Variants in DTD2 observed in about 807,000 individuals in gnomAD.
DTD2 encodes the protein D-tyrosyl-tRNA deacylase 2 (putative).
A neutral mutation model predicts 15.5 loss-of-function variants in DTD2; 12 were observed. That is an observed-to-expected ratio of 0.77 (90% CI 0.50 to 1.25). The LOEUF (loss-of-function observed/expected upper bound fraction) is 1.25, where lower values mean the gene tolerates loss of function less well. DTD2 is among the 50% of genes most tolerant of loss of function. The probability of loss-of-function intolerance (pLI) is 0.00; values close to 1 mark genes in which losing one functional copy is unlikely to be tolerated. For synonymous variants in DTD2, 59 were observed against 77.3 expected (o/e 0.76, Z 1.24); for missense variants, 170 against 201.1 (o/e 0.85, Z 0.93).
rs1002349467 is a variant in DTD2 at position 31,447,389 on chromosome 14, G to A, written c.*740C>T. 1 of 152,166 alleles carries A rather than the reference G, an allele frequency of 6.6e-6. No homozygotes were observed. Among genetic ancestry groups the A allele is most frequent in the Non-Finnish European group, 1.5e-5 (1 of 68,032 alleles). 9.4% of individuals were successfully genotyped at this position (152,166 alleles called of 1,614,324 possible). ...ATTAACAAAGTTATAATTGGGTTGT[G>A]CTGAAGTTTACCTAATTTTAATACA... On this transcript the variant is annotated 3_prime_UTR_variant, in exon 3 of 3. Coordinates refer to ENST00000310850, the MANE Select transcript of DTD2 (RefSeq NM_080664.3).
At chr14:31,448,710 G>A (rs1227319146) in intron 2 of DTD2, among the ~76,000 whole-genome samples, 1 of 152,182 alleles carries the variant, frequency 6.6e-6, no homozygotes, top group Non-Finnish European at 1.5e-5. Context: ...CTAACAATAA[G>A]TTCATCCAGA....
rs757970633 is a variant in DTD2, at chr14:31,448,157, C to T, written c.479G>A (p.Gly160Glu). ...AAACTCAATTAAGTGTGTGAATGGT[C>T]CGTTGGTGTCCAGCTTTAACACCTG... ...NRQVLKLDTNGPFTHLIEF is the reference protein window; with the variant it reads ...NRQVLKLDTNEPFTHLIEF Residue 160 changes from glycine to glutamate, a missense_variant, in exon 3 of 3, where the codon GGA becomes GAA. Gly to Glu is a moderately conservative substitution (Grantham distance 98). Coordinates refer to ENST00000310850, the MANE Select transcript of DTD2 (RefSeq NM_080664.3). 11 of 1,613,062 alleles carry T rather than the reference C, an allele frequency of 6.8e-6. No individual in the cohort carries two copies. The highest frequency in any genetic ancestry group is 7.6e-6 in the Non-Finnish European group (9 of 1,179,554).
intron 2 of DTD2, among the ~76,000 whole-genome samples, chr14:31,449,643 G>T (rs1460772489): frequency 6.6e-6 from 1 of 152,088 alleles, no homozygotes; most frequent in Non-Finnish European, 1.5e-5. Flanking sequence ...ATAAGCAAAA[G>T]AAGTGTCTAA....
At position 31,453,299 on chromosome 14, in the gene DTD2, C is replaced by G; in HGVS notation, c.157G>C (p.Asp53His). The stretch of plus-strand genomic sequence containing the variant: ...CCCATTTTGGGAAGAAGTTCTTTAT[C>G]AGCTCCCTTGAAAAAGCACACGTAG... The part of the protein sequence containing the change: ...VIYVCFFKGA[D>H]KELLPKMVNT... The change falls in exon 2 of 3, where the codon GAT (aspartate) becomes CAT (histidine). Residue 53 changes from aspartate (D) to histidine (H), a missense_variant. Transcript: ENST00000310850. The G allele has an allele frequency of 2.5e-6, 4 of 1,614,006 alleles. No individual in the cohort carries two copies. Among genetic ancestry groups the G allele is most frequent in the Non-Finnish European group, 3.4e-6 (4 of 1,180,000 alleles).
At chr14:31,452,603 G>A (rs1225969292) in intron 2 of DTD2, 1 of 152,206 alleles carries the variant, frequency 6.6e-6, no homozygotes, top group Non-Finnish European at 1.5e-5. Context: ...GATGGGCAGG[G>A]ATTGGTTAAT....
intron 1 of DTD2, chr14:31,457,053 C>T (rs2032102909): frequency 5.3e-6 from 3 of 561,432 alleles, no homozygotes; most frequent in South Asian, 4.2e-5. Context: ...AGAAGGGAGA[C>T]ACGCTCTTCC....
chr14:31,453,409 G>A (rs748061112), intron 1 of DTD2, 65 bp from the exon 2 acceptor site: 44 of 1,383,158 alleles, frequency 3.2e-5, no homozygotes, highest in Non-Finnish European at 4.1e-5. Context: ...GGGCTAAATG[G>A]GTACAGTTTC....
chr14:31,452,332 G>A (rs61994186), intron 2 of DTD2: 4,394 of 152,286 alleles, frequency 0.029, 109 homozygotes, highest in Middle Eastern at 0.057. Flanking sequence ...AAGAAATGCA[G>A]CATCTGTTTC....
intron 2 of DTD2, among the ~76,000 whole-genome samples, chr14:31,449,154 A>C (rs2031999905): frequency 6.6e-6 from 1 of 152,230 alleles, no homozygotes; most frequent in African/African-American, 2.4e-5. Context: ...TGGCCTCCCA[A>C]AGCGTTGGGA....
Position 31,448,124 on chromosome 14 carries a change from CATTTTCAAAACTCA to C in DTD2, c.498_*4del, listed in dbSNP as rs1424929783. 4.4e-6 allele frequency: 7 copies of C among 1,579,802 alleles called. 1 individual carries two copies. The South Asian group carries it at 8.2e-5, about 18-fold the overall frequency. ...AAAACAGCTATAGAAACTAGTTTTT[CATTTTCAAAACTCA>C]ATTAAGTGTGTGAATGGTCCGTTGG... On this transcript the variant is annotated stop_retained_variant and 3_prime_UTR_variant, in exon 3 of 3. Coordinates refer to ENST00000310850, the MANE Select transcript of DTD2 (RefSeq NM_080664.3).
chr14:31,453,361 C>G lies in DTD2; in HGVS notation c.112-17G>C. 6.2e-7 allele frequency: 1 copy of G among 1,611,034 alleles called. No individual in the cohort carries two copies. Among genetic ancestry groups the G allele is most frequent in the Non-Finnish European group, 8.5e-7 (1 of 1,177,404 alleles). ...TCTTTGGACCTATGAGAAATCACCA[C>G]AGTAAACTCAGATTACAACAATATC... On this transcript the variant is annotated splice_polypyrimidine_tract_variant and intron_variant, in intron 1 of 2. Transcript: ENST00000310850.
rs77908938 is a variant in DTD2 at position 31,447,829 on chromosome 14, A to G, written c.*300T>C. 16,863 of 231,810 alleles carry G rather than the reference A, an allele frequency of 0.073. 820 individuals carry two copies. The highest frequency in any genetic ancestry group is 0.13 in the African/African-American group (5,900 of 44,022). 14.4% of individuals were successfully genotyped at this position (231,810 alleles called of 1,614,324 possible). A position where few individuals can be genotyped will look rare whatever the true frequency, so the allele number is the denominator to read the frequency against. On this transcript the variant is annotated 3_prime_UTR_variant, in exon 3 of 3. Coordinates refer to ENST00000310850, the MANE Select transcript of DTD2 (RefSeq NM_080664.3). ...AGCAAGACTCCATCTCAAAAAAAAAACAAAAACAAAAAAACAATTAAGAAC... is the reference window on the plus strand; with the variant it reads ...AGCAAGACTCCATCTCAAAAAAAAAGCAAAAACAAAAAAACAATTAAGAAC...
rs2031981062 is a variant in DTD2, at chr14:31,447,940, T to G, written c.*189A>C. On this transcript the variant is annotated 3_prime_UTR_variant, in exon 3 of 3. Transcript: ENST00000310850. Reference sequence around the variant, plus strand: ...AGAGGAATGTAGGACAAAAGGTGACTGAGATCCAGAGTTTAGGTGACTTGG... The same window carrying G: ...AGAGGAATGTAGGACAAAAGGTGACGGAGATCCAGAGTTTAGGTGACTTGG... 2 of 552,562 alleles carry G rather than the reference T, an allele frequency of 3.6e-6. No individual in the cohort carries two copies. Among genetic ancestry groups the G allele is most frequent in the Non-Finnish European group, 6.3e-6 (2 of 316,802 alleles). 34.2% of individuals were successfully genotyped at this position (552,562 alleles called of 1,614,324 possible). A position where few individuals can be genotyped will look rare whatever the true frequency, so the allele number is the denominator to read the frequency against.
chr14:31,453,227 C>T lies in DTD2; in HGVS notation c.181+48G>A, dbSNP rs201231344. ...GTGTTGGGATTACAGGTGTGAGCACCATGCTTGGCCTCTCACTCTTAAAAA... is the reference window on the plus strand; with the variant it reads ...GTGTTGGGATTACAGGTGTGAGCACTATGCTTGGCCTCTCACTCTTAAAAA... On this transcript the variant is annotated intron_variant, in intron 2 of 2. Coordinates refer to ENST00000310850, the MANE Select transcript of DTD2 (RefSeq NM_080664.3). The T allele has an allele frequency of 2.5e-6, 4 of 1,572,854 alleles. No individual in the cohort carries two copies. The East Asian group carries it at 9.0e-5, about 35-fold the overall frequency.
chr14:31,453,434 T>C (rs2032061502), intron 1 of DTD2, 90 bp from the exon 2 acceptor site: 1 of 1,090,440 alleles, frequency 9.2e-7, no homozygotes, highest in African/African-American at 1.6e-5. Context: ...CTATTAATAT[T>C]ATAGACATAG....
Position 31,453,327 on chromosome 14 carries a change from C to T in DTD2, c.129G>A (p.Val43=). The T allele has an allele frequency of 6.2e-7, 1 of 1,614,020 alleles. No homozygotes were observed. The highest frequency in any genetic ancestry group is 8.5e-7 in the Non-Finnish European group (1 of 1,179,976). Residue 43 remains valine, a synonymous_variant, in exon 2 of 3, where the codon GTG becomes GTA. Transcript: ENST00000310850. ...AQWVEVQRGL[V]IYVCFFKGAD... ...CTCCCTTGAAAAAGCACACGTAGATCACCAGTCCTCTTTGGACCTATGAGA... is the reference window on the plus strand; with the variant it reads ...CTCCCTTGAAAAAGCACACGTAGATTACCAGTCCTCTTTGGACCTATGAGA...
At chr14:31,452,279 A>C (rs1017603252) in intron 2 of DTD2, 2 of 152,246 alleles carry the variant, frequency 1.3e-5, no homozygotes, top group Admixed American at 1.3e-4. Flanking sequence ...AGTGTCATCT[A>C]CTGCCTCTGT....
At chr14:31,455,046 A>G (rs544887542) in intron 1 of DTD2, among the ~76,000 whole-genome samples, 1 of 152,342 alleles carries the variant, frequency 6.6e-6, no homozygotes, top group Admixed American at 6.5e-5. Context: ...TCTTTAAACT[A>G]ATTTAGTTAT....
At chr14:31,457,035 TC>T in intron 1 of DTD2, 1 of 538,014 alleles carries the variant, frequency 1.9e-6, no homozygotes, top group Non-Finnish European at 3.3e-6. Context: ...ATACCTGTGG[TC>T]CCCCCAAGAA....
Sources: gnomAD v4.1 joint callset for allele counts (sites outside exome capture counted in the v4.1 genomes callset) on GRCh38, gnomAD v4.1.1 for gene constraint, MANE v1.5 for transcripts, NCBI Gene and HGNC (gene_info 2026-07-23, HGNC 2026-07-21) for gene names.